Variants in RB1CC1 observed in about 807,000 individuals in gnomAD.
RB1CC1 encodes RB1-inducible coiled-coil protein 1.
Under a neutral mutation model 177.5 loss-of-function variants are expected in RB1CC1, and 46 were observed. The ratio of observed to expected loss-of-function variants is 0.26; its 90% CI spans 0.20 to 0.33. The LOEUF is 0.33. RB1CC1 is among the 10% of genes least tolerant of loss of function. RB1CC1 has a pLI of 1.00. For missense variants in RB1CC1, 1,703 were observed against 1,816.3 expected, an observed-to-expected ratio of 0.94 and a Z score of 1.13; for synonymous variants, 666 against 613.6, an observed-to-expected ratio of 1.09 and a Z score of -1.26.
chr8:52,625,617 T>G (rs967365290), intron 22 of RB1CC1, among the ~76,000 whole-genome samples: 1 of 152,196 alleles, frequency 6.6e-6, no homozygotes, highest in Non-Finnish European at 1.5e-5. Flanking sequence ...ATACTTCTAA[T>G]CTACCATACA....
intron 19 of RB1CC1, 79 bp from the exon 20 acceptor site, chr8:52,635,047 C>G: frequency 1.5e-6 from 2 of 1,306,360 alleles, no homozygotes; most frequent in Non-Finnish European, 2.1e-6. Flanking sequence ...TCAAAGTTTT[C>G]ATCAGACAAA....
Position 52,656,654 on chromosome 8 carries a change from T to C in RB1CC1, c.3175A>G (p.Lys1059Glu). Residue 1059 changes from lysine (K) to glutamate (E), a missense_variant, in exon 15 of 24, where the codon AAG becomes GAG. Physicochemically the swap from Lys to Glu is moderately conservative, Grantham distance 56 (BLOSUM62 1). Coordinates refer to ENST00000025008, the MANE Select transcript of RB1CC1 (RefSeq NM_014781.5). ...KVSDLSDTRC[K>E]LEVELALKEA... is the part of the protein sequence containing the mutation. ...TTCAACGCAAGTTCAACCTCTAACT[T>C]GCATCTCGTGTCTGACAAATCAGAA... The C allele has an allele frequency of 6.2e-7, 1 of 1,613,898 alleles. No homozygotes were observed. The highest frequency in any genetic ancestry group is 8.5e-7 in the Non-Finnish European group (1 of 1,179,916).
intron 1 of RB1CC1, among the ~76,000 whole-genome samples, chr8:52,698,314 AAT>A (rs1330083871): frequency 6.6e-6 from 1 of 151,892 alleles, no homozygotes; most frequent in Non-Finnish European, 1.5e-5. Flanking sequence ...GAAATTTTAA[AAT>A]ATGAGAGAAT....
chr8:52,675,837 A>G (rs1853069931), intron 6 of RB1CC1, among the ~76,000 whole-genome samples: 1 of 149,706 alleles, frequency 6.7e-6, no homozygotes, highest in Non-Finnish European at 1.5e-5. Context: ...CAGTGAGCTG[A>G]GATCACACCA....
At chr8:52,624,383 T>G (rs904418970) in intron 23 of RB1CC1, among the ~76,000 whole-genome samples, 1 of 151,996 alleles carries the variant, frequency 6.6e-6, no homozygotes, top group Admixed American at 6.6e-5. Flanking sequence ...AAAGATCAAC[T>G]GTATTTATAA....
intron 22 of RB1CC1, 117 bp from the exon 23 acceptor site, chr8:52,624,904 A>G: frequency 1.4e-6 from 1 of 700,148 alleles, no homozygotes; most frequent in Non-Finnish European, 2.2e-6. Flanking sequence ...AGAATATGTA[A>G]GACTTTAAAA....
rs146805934 is a variant in RB1CC1, at chr8:52,676,928, T to G, written c.370-357A>C. 1.1e-3 allele frequency among the ~76,000 whole-genome samples: 162 copies of G among 152,342 alleles called. 3 individuals are homozygous for G. Among genetic ancestry groups the G allele is most frequent in the African/African-American group, 3.8e-3 (156 of 41,572 alleles). On this transcript the variant is annotated intron_variant, in intron 5 of 23. Coordinates refer to ENST00000025008, the MANE Select transcript of RB1CC1 (RefSeq NM_014781.5). ...AGACATTCATGTTAAAAACAATTTTTGGTGAAGGCAAAGCTAAAATACGTC... is the reference window on the plus strand; with the variant it reads ...AGACATTCATGTTAAAAACAATTTTGGGTGAAGGCAAAGCTAAAATACGTC...
intron 1 of RB1CC1, among the ~76,000 whole-genome samples, chr8:52,710,526 A>G (rs1048812245): frequency 6.6e-6 from 1 of 152,202 alleles, no homozygotes; most frequent in South Asian, 2.1e-4. Context: ...CACCCTACAT[A>G]CTACTATGGA....
chr8:52,624,299 A>G (rs1174616789), intron 23 of RB1CC1, among the ~76,000 whole-genome samples: 1 of 151,968 alleles, frequency 6.6e-6, no homozygotes, highest in African/African-American at 2.4e-5. Flanking sequence ...ATTGTTATAC[A>G]ATCAGTCCAT....
chr8:52,653,540 G>C (rs1017553810), intron 15 of RB1CC1, among the ~76,000 whole-genome samples: 1 of 152,094 alleles, frequency 6.6e-6, no homozygotes, highest in African/African-American at 2.4e-5. Context: ...CTTACCAAGA[G>C]AATTCTAACC....
Position 52,660,616 on chromosome 8 carries a change from A to T in RB1CC1, c.1669T>A (p.Ser557Thr), listed in dbSNP as rs772855284. ...LRNRLFRGLDSWPPSFCTQKP... is the reference protein window; with the variant it reads ...LRNRLFRGLDTWPPSFCTQKP... The stretch of plus-strand genomic sequence containing the variant: ...CATACACAAAAGGAAGGGGGCCAGG[A>T]GTCCAGTCCCCTAAACAGACGATTT... Residue 557 changes from serine (S) to threonine (T), a missense_variant, in exon 12 of 24, where the codon TCC becomes ACC. Coordinates refer to ENST00000025008, the MANE Select transcript of RB1CC1 (RefSeq NM_014781.5). 1.9e-6 allele frequency: 3 copies of T among 1,594,882 alleles called. No individual in the cohort carries two copies. The Admixed American group carries it at 5.4e-5, about 29-fold the overall frequency.
At chr8:52,709,062 C>CT (rs1334519886) in intron 1 of RB1CC1, among the ~76,000 whole-genome samples, 1 of 152,066 alleles carries the variant, frequency 6.6e-6, no homozygotes, top group African/African-American at 2.4e-5. Context: ...ACAAAATTAT[C>CT]TGAGTGTGGT....
rs1178594231 is a variant in RB1CC1 at position 52,623,100 on chromosome 8, G to C, written c.*682C>G. On this transcript the variant is annotated 3_prime_UTR_variant, in exon 24 of 24. Transcript: ENST00000025008. ...TGCATTTGAAATGGTTAGTAGCACA[G>C]ACTCTTCCCTTTAGAACCCAGATGA... The C allele has an allele frequency of 6.5e-6, 1 of 153,418 alleles. No homozygotes were observed. Among genetic ancestry groups the C allele is most frequent in the Non-Finnish European group, 1.5e-5 (1 of 68,702 alleles). 9.5% of individuals were successfully genotyped at this position (153,418 alleles called of 1,614,324 possible). A position where few individuals can be genotyped will look rare whatever the true frequency, so the allele number is the denominator to read the frequency against.
chr8:52,638,241 T>C (rs1010927367), intron 18 of RB1CC1, among the ~76,000 whole-genome samples: 10 of 152,326 alleles, frequency 6.6e-5, no homozygotes, highest in Admixed American at 3.3e-4. Context: ...GAGATAATCA[T>C]GTGTTTTTCT....
intron 20 of RB1CC1, among the ~76,000 whole-genome samples, chr8:52,631,734 G>T (rs1326052886): frequency 6.6e-6 from 1 of 152,116 alleles, no homozygotes; most frequent in Non-Finnish European, 1.5e-5. Flanking sequence ...ATTCACCACA[G>T]CGTGCTCAGT....
At chr8:52,631,608 C>T (rs1848762761) in intron 20 of RB1CC1, among the ~76,000 whole-genome samples, 1 of 152,176 alleles carries the variant, frequency 6.6e-6, no homozygotes, top group East Asian at 1.9e-4. Context: ...CCCTTGCTGA[C>T]ATCAAGACAC....
At chr8:52,631,728 A>G (rs1469218687) in intron 20 of RB1CC1, among the ~76,000 whole-genome samples, 5 of 152,144 alleles carry the variant, frequency 3.3e-5, no homozygotes, top group Admixed American at 6.6e-5. Context: ...GGGAAAATTC[A>G]CCACAGCGTG....
At chr8:52,697,662 A>G (rs1284647038) in intron 1 of RB1CC1, among the ~76,000 whole-genome samples, 1 of 152,202 alleles carries the variant, frequency 6.6e-6, no homozygotes, top group East Asian at 1.9e-4. Context: ...GATTGGCAAA[A>G]TGTTGGTACT....
At chr8:52,684,488 T>C (rs771868730) in intron 3 of RB1CC1, among the ~76,000 whole-genome samples, 13 of 152,208 alleles carry the variant, frequency 8.5e-5, no homozygotes, top group African/African-American at 2.4e-4. Context: ...TTATTCTGCA[T>C]TGCCATAAAG....
Sources: allele counts gnomAD v4.1 joint callset (sites outside exome capture counted in the v4.1 genomes callset), GRCh38; gene constraint gnomAD v4.1.1; transcripts MANE v1.5; gene names NCBI Gene and HGNC (gene_info 2026-07-23, HGNC 2026-07-21).